RIMS2: variants seen among roughly 807,000 people sequenced by gnomAD.
RIMS2 encodes the protein regulating synaptic membrane exocytosis protein 2.
A neutral mutation model predicts 174.4 loss-of-function variants in RIMS2; 59 were observed. The ratio of observed to expected loss-of-function variants is 0.34; its 90% CI spans 0.27 to 0.42. The LOEUF (loss-of-function observed/expected upper bound fraction) is 0.42, where lower values mean the gene tolerates loss of function less well. Ranked by LOEUF, RIMS2 falls within the 10% of genes least tolerant of loss-of-function variation. The pLI is 1.00. For missense variants in RIMS2, 1,620 were observed against 1,666.3 expected, an observed-to-expected ratio of 0.97 and a Z score of 0.48; for synonymous variants, 606 against 572.5, an observed-to-expected ratio of 1.06 and a Z score of -0.84.
chr8:104,120,356 T>C (rs1157745907), intron 19 of RIMS2, among the ~76,000 whole-genome samples: 2 of 152,208 alleles, frequency 1.3e-5, no homozygotes, highest in African/African-American at 2.4e-5. Context: ...AACAATCTAT[T>C]TAATTCCTAA....
At chr8:103,876,909 T>TATATATACAC (rs71297243) in intron 3 of RIMS2, among the ~76,000 whole-genome samples, 30 of 66,072 alleles carry the variant, frequency 4.5e-4, no homozygotes, top group Non-Finnish European at 5.5e-4. Context: ...TATATATATA[T>TATATATACAC]ACACACACAC....
At position 103,936,636 on chromosome 8, in the gene RIMS2, C is replaced by T. The variant is rs2081302434; in HGVS notation, c.2461C>T (p.Arg821Ter). The change falls in exon 13 of 24, where the codon CGA becomes TGA. Residue 821 changes from arginine to a stop codon, truncating the protein, a stop_gained. Coordinates refer to ENST00000504942, the Ensembl canonical transcript of RIMS2. LOFTEE classifies it high-confidence loss of function. ...AACATTCATTTATTCTCCAGTCCAC[C>T]GAAGAGAATTTCGGGAACGAATGCT... is the stretch of plus-strand genomic sequence containing the variant. 1.9e-6 allele frequency: 3 copies of T among 1,610,216 alleles called. No homozygotes were observed. Among genetic ancestry groups the T allele is most frequent in the Non-Finnish European group, 1.7e-6 (2 of 1,177,576 alleles).
downstream of RIMS2, chr8:104,252,695 C>T (rs967130916): frequency 6.6e-6 from 1 of 152,130 alleles, no homozygotes; most frequent in Non-Finnish European, 1.5e-5. Context: ...GCAGACATTA[C>T]AAATGGAAAT....
intron 3 of RIMS2, among the ~76,000 whole-genome samples, chr8:103,798,915 C>CTTTTTTT (rs376864472): frequency 2.0e-4 from 27 of 134,812 alleles, no homozygotes; most frequent in African/African-American, 6.9e-4. Flanking sequence ...AGGTAGAAAA[C>CTTTTTTT]TTTTTTTTTT....
chr8:104,005,183 A>G (rs2095528712), intron 17 of RIMS2, among the ~76,000 whole-genome samples: 3 of 152,210 alleles, frequency 2.0e-5, no homozygotes, highest in Admixed American at 2.0e-4. Flanking sequence ...AATCCCTAAA[A>G]TTACCAATGA....
At chr8:104,205,514 C>T (rs971569877) in intron 19 of RIMS2, among the ~76,000 whole-genome samples, 15 of 115,388 alleles carry the variant, frequency 1.3e-4, no homozygotes, top group South Asian at 1.1e-3. Context: ...TGTGTGTGCG[C>T]GCACATACAT....
chr8:103,768,403 G>T (rs2098205400), intron 3 of RIMS2: 1 of 748,014 alleles, frequency 1.3e-6, no homozygotes, highest in South Asian at 1.4e-5. Context: ...CTGATGCTCT[G>T]GTTGAAGAAT....
At chr8:103,694,316 TG>T (rs1250845622) in intron 1 of RIMS2, among the ~76,000 whole-genome samples, 2 of 152,158 alleles carry the variant, frequency 1.3e-5, no homozygotes, top group Non-Finnish European at 2.9e-5. Flanking sequence ...GAAGGAAGCC[TG>T]GAGGCTAGGG....
intron 11 of RIMS2, 132 bp from the exon 14 acceptor site, chr8:103,931,131 C>A: frequency 1.7e-6 from 1 of 583,506 alleles, no homozygotes; most frequent in Non-Finnish European, 2.9e-6. Flanking sequence ...TTTAACTAGC[C>A]ACAATTTACT....
chr8:103,859,099 T>C (rs2099044295), intron 3 of RIMS2, among the ~76,000 whole-genome samples: 1 of 152,132 alleles, frequency 6.6e-6, no homozygotes, highest in African/African-American at 2.4e-5. Context: ...GCCTTGGAAT[T>C]ACATACTGAA....
intron 1 of RIMS2, among the ~76,000 whole-genome samples, chr8:103,597,365 A>G (rs951714463): frequency 6.6e-6 from 1 of 152,080 alleles, no homozygotes; most frequent in African/African-American, 2.4e-5. Flanking sequence ...TGGCATGCAC[A>G]TTATTTTCTG....
intron 19 of RIMS2, among the ~76,000 whole-genome samples, chr8:104,096,971 ATCTCAG>A (rs1302104443): frequency 6.6e-6 from 1 of 152,218 alleles, no homozygotes; most frequent in Non-Finnish European, 1.5e-5. Context: ...CTTAGAATAA[ATCTCAG>A]TCTTTATTGT....
At chr8:103,596,876 T>G (rs796110382) in intron 1 of RIMS2, among the ~76,000 whole-genome samples, 23 of 152,230 alleles carry the variant, frequency 1.5e-4, no homozygotes, top group African/African-American at 5.1e-4. Flanking sequence ...AATAATTGCA[T>G]CACTAATTTG....
intron 3 of RIMS2, among the ~76,000 whole-genome samples, chr8:103,863,361 G>C (rs910525136): frequency 2.6e-5 from 4 of 151,986 alleles, no homozygotes; most frequent in Non-Finnish European, 5.9e-5. Flanking sequence ...CTAGTATTTT[G>C]TTGAAGATTT....
chr8:103,960,931 G>A (rs1445785007), intron 14 of RIMS2, 134 bp from the exon 17 acceptor site: 1 of 652,488 alleles, frequency 1.5e-6, no homozygotes, highest in Non-Finnish European at 2.7e-6. Context: ...AGCTCATAAG[G>A]ACTTTTCTTC....
At chr8:103,944,583 A>G (rs1019848394) in intron 14 of RIMS2, among the ~76,000 whole-genome samples, 2 of 152,056 alleles carry the variant, frequency 1.3e-5, no homozygotes, top group African/African-American at 4.8e-5. Context: ...CTACTTAGGG[A>G]TAGTGGATAT....
chr8:103,560,271 G>A (rs1469961467), intron 1 of RIMS2, among the ~76,000 whole-genome samples: 5 of 152,094 alleles, frequency 3.3e-5, no homozygotes, highest in African/African-American at 1.2e-4. Flanking sequence ...CCAGCTACTC[G>A]GGAGGCTGAG....
chr8:104,185,953 A>G (rs1051465425), intron 19 of RIMS2, among the ~76,000 whole-genome samples: 1 of 151,720 alleles, frequency 6.6e-6, no homozygotes, highest in African/African-American at 2.4e-5. Flanking sequence ...GGCACTATTT[A>G]CAGTAGAAAA....
intron 1 of RIMS2, among the ~76,000 whole-genome samples, chr8:103,590,230 A>G (rs2094184276): frequency 6.6e-6 from 1 of 151,548 alleles, no homozygotes; most frequent in South Asian, 2.1e-4. Context: ...CACAAAAATT[A>G]AAAACAAAAA....
Sources: allele counts gnomAD v4.1 joint callset (sites outside exome capture counted in the v4.1 genomes callset), GRCh38; gene constraint gnomAD v4.1.1; transcripts MANE v1.5; gene names NCBI Gene and HGNC (gene_info 2026-07-23, HGNC 2026-07-21).